Variants in DOCK7 observed in about 807,000 individuals in gnomAD.
DOCK7 encodes dedicator of cytokinesis protein 7.
Under a neutral mutation model 271.0 loss-of-function variants are expected in DOCK7, and 138 were observed. The ratio of observed to expected loss-of-function variants is 0.51; its 90% CI spans 0.44 to 0.59. The LOEUF (loss-of-function observed/expected upper bound fraction) is 0.59, where lower values mean the gene tolerates loss of function less well. Ranked by LOEUF, DOCK7 falls within the 20% of genes least tolerant of loss-of-function variation. DOCK7 has a pLI of 0.00. For synonymous variants in DOCK7, 823 were observed against 876.1 expected (o/e 0.94, Z 1.07); for missense variants, 2,066 against 2,592.4 (o/e 0.80, Z 4.41).
At chr1:62,621,079 G>A (rs2149592477) in intron 12 of DOCK7, among the ~76,000 whole-genome samples, 1 of 151,922 alleles carries the variant, frequency 6.6e-6, no homozygotes, top group Non-Finnish European at 1.5e-5. Flanking sequence ...TTTCTCCAAT[G>A]CAAAATCTGC....
intron 31 of DOCK7, among the ~76,000 whole-genome samples, chr1:62,518,442 C>T (rs555469755): frequency 7.2e-5 from 11 of 152,136 alleles, no homozygotes; most frequent in Admixed American, 4.6e-4. Flanking sequence ...GGCGTGGTGG[C>T]GGGCGCCTGT....
intron 14 of DOCK7, among the ~76,000 whole-genome samples, chr1:62,592,776 AT>A (rs1031216178): frequency 9.9e-5 from 15 of 152,180 alleles, no homozygotes; most frequent in African/African-American, 3.6e-4. Flanking sequence ...TTGTAAAAGG[AT>A]ATAGGAAAAG....
At chr1:62,575,204 T>C (rs1023568944) in intron 18 of DOCK7, among the ~76,000 whole-genome samples, 5 of 152,168 alleles carry the variant, frequency 3.3e-5, no homozygotes, top group African/African-American at 1.2e-4. Context: ...GGAAATATTT[T>C]TAGAGGAATG....
intron 10 of DOCK7, among the ~76,000 whole-genome samples, chr1:62,633,208 A>G (rs1654839390): frequency 6.6e-6 from 1 of 152,156 alleles, no homozygotes; most frequent in Non-Finnish European, 1.5e-5. Flanking sequence ...TCTCTCCATG[A>G]AGAAAAAAAT....
chr1:62,501,346 A>C (rs966055961), intron 37 of DOCK7, among the ~76,000 whole-genome samples: 8 of 152,220 alleles, frequency 5.3e-5, no homozygotes, highest in African/African-American at 1.4e-4. Flanking sequence ...GTTACAGCTA[A>C]GAAAAACACT....
At chr1:62,471,232 T>C (rs1645822464) in intron 48 of DOCK7, among the ~76,000 whole-genome samples, 1 of 152,090 alleles carries the variant, frequency 6.6e-6, no homozygotes, top group Admixed American at 6.6e-5. Flanking sequence ...ATTAGTTAAG[T>C]TTCTGGGGTG....
At chr1:62,560,934 G>A (rs1036761789) in intron 19 of DOCK7, among the ~76,000 whole-genome samples, 3 of 152,054 alleles carry the variant, frequency 2.0e-5, no homozygotes, top group African/African-American at 4.8e-5. Flanking sequence ...CTCATCTCAC[G>A]GAACTTATCA....
chr1:62,674,865 A>G (rs12737254), intron 1 of DOCK7, among the ~76,000 whole-genome samples: 5,551 of 152,276 alleles, frequency 0.036, 140 homozygotes, highest in Non-Finnish European at 0.056. Context: ...CAGAACATAG[A>G]AAAAAATTCA....
intron 1 of DOCK7, among the ~76,000 whole-genome samples, chr1:62,670,462 CTG>C (rs1490916113): frequency 6.6e-6 from 1 of 152,112 alleles, no homozygotes; most frequent in Non-Finnish European, 1.5e-5. Context: ...AATCGACACT[CTG>C]TATCTAGCTG....
chr1:62,557,846 C>A (rs979875821), intron 20 of DOCK7, among the ~76,000 whole-genome samples: 2 of 151,908 alleles, frequency 1.3e-5, no homozygotes, highest in African/African-American at 4.8e-5. Flanking sequence ...ATCTCACAAT[C>A]CATTCTCTCT....
At position 62,618,149 on chromosome 1, in the gene DOCK7, C is replaced by A. The variant is rs555972170; in HGVS notation, c.1682+557G>T. 4.6e-5 allele frequency among the ~76,000 whole-genome samples: 7 copies of A among 152,150 alleles called. No homozygotes were observed. The East Asian group carries it at 1.4e-3, about 29-fold the overall frequency. ...TCATAAGGAGTACATGCAAATGGCA[C>A]CCCCAGAGTTATGTAATGTTCAGTC... On this transcript the variant is annotated intron_variant, in intron 14 of 49. Coordinates refer to ENST00000635253, the MANE Select transcript of DOCK7 (RefSeq NM_001367561.1).
intron 37 of DOCK7, among the ~76,000 whole-genome samples, chr1:62,497,795 G>A (rs1646665053): frequency 6.6e-6 from 1 of 152,168 alleles, no homozygotes; most frequent in Admixed American, 6.5e-5. Context: ...TCCTAAGGCA[G>A]CTGTCCAAAG....
intron 49 of DOCK7, among the ~76,000 whole-genome samples, chr1:62,457,220 AT>A (rs1297293940): frequency 1.3e-5 from 2 of 152,190 alleles, no homozygotes; most frequent in Admixed American, 6.5e-5. Flanking sequence ...TTCTCAAGTT[AT>A]TTACCTTGTA....
intron 7 of DOCK7, among the ~76,000 whole-genome samples, chr1:62,646,420 G>A (rs1387360847): frequency 6.6e-6 from 1 of 152,030 alleles, no homozygotes; most frequent in Non-Finnish European, 1.5e-5. Flanking sequence ...ATATGTTAAA[G>A]CCCTAACCCC....
Position 62,545,092 on chromosome 1 carries a change from T to C in DOCK7, c.2767-53A>G, listed in dbSNP as rs547670123. 9.5e-5 allele frequency: 134 copies of C among 1,407,096 alleles called. 2 individuals are homozygous for C. The highest frequency in any genetic ancestry group is 9.0e-4 in the Middle Eastern group (5 of 5,556). 87.2% of individuals were successfully genotyped at this position (1,407,096 alleles called of 1,614,324 possible). Reference sequence around the variant, plus strand: ...AAGGAAAGAAATATTACATGTTGCATGCTATAAATTATTCTTAAAGAAATT... The same window carrying C: ...AAGGAAAGAAATATTACATGTTGCACGCTATAAATTATTCTTAAAGAAATT... On this transcript the variant is annotated intron_variant, in intron 22 of 49. Coordinates refer to ENST00000635253, the MANE Select transcript of DOCK7 (RefSeq NM_001367561.1).
At chr1:62,459,440 C>T (rs1335523262) in intron 48 of DOCK7, among the ~76,000 whole-genome samples, 3 of 151,952 alleles carry the variant, frequency 2.0e-5, no homozygotes, top group Non-Finnish European at 4.4e-5. Context: ...GGAGTTTCTC[C>T]ATGTTGGCCA....
chr1:62,688,164 TG>T, intron 1 of DOCK7, 62 bp downstream of exon 1: 1 of 1,315,238 alleles, frequency 7.6e-7, no homozygotes. Flanking sequence ...AGGCCAGGCC[TG>T]GGAGGACTCC....
chr1:62,620,239 C>T (rs1487878681), intron 12 of DOCK7, among the ~76,000 whole-genome samples: 3 of 151,472 alleles, frequency 2.0e-5, no homozygotes, highest in Non-Finnish European at 4.4e-5. Context: ...AGGAGAATCA[C>T]GGGAGATGGA....
chr1:62,533,219 T>C (rs17123705), intron 29 of DOCK7, among the ~76,000 whole-genome samples: 5,582 of 152,204 alleles, frequency 0.037, 254 homozygotes, highest in African/African-American at 0.11. Flanking sequence ...AATCCTATCT[T>C]TCTTCCAATT....
Sources: allele counts gnomAD v4.1 joint callset (sites outside exome capture counted in the v4.1 genomes callset), GRCh38; gene constraint gnomAD v4.1.1; transcripts MANE v1.5; gene names NCBI Gene and HGNC (gene_info 2026-07-23, HGNC 2026-07-21).